PPP1R1C: variants seen among roughly 807,000 people sequenced by gnomAD.
PPP1R1C encodes protein phosphatase 1 regulatory inhibitor subunit 1C, also known as protein phosphatase 1 regulatory subunit 1C.
In PPP1R1C, 15 loss-of-function variants were observed where a neutral mutation model predicts 17.4. The ratio of observed to expected loss-of-function variants is 0.86; its 90% CI spans 0.58 to 1.33. PPP1R1C has a LOEUF of 1.33. PPP1R1C is among the 40% of genes most tolerant of loss of function. The pLI is 0.00. For synonymous variants in PPP1R1C, 35 were observed against 43.1 expected, an observed-to-expected ratio of 0.81 and a Z score of 0.73; for missense variants, 143 against 130.0, an observed-to-expected ratio of 1.10 and a Z score of -0.48.
At position 181,967,395 on chromosome 2, in the gene PPP1R1C, A is replaced by C. The variant is rs1684924276; in HGVS notation, n.112-7824A>C. ...TTTAACAGGCATTGTAAGGTTGGTC[A>C]TGTGAAGATTTTCCACTTTGTTGAT... On this transcript the variant is annotated intron_variant and non_coding_transcript_variant, in intron 1 of 5. Transcript: ENST00000464264. This position sits in a 1 kb window ranked among gnomAD's most constrained non-coding sequence, Gnocchi z 5.5. 6.6e-6 allele frequency among the ~76,000 whole-genome samples: 1 copy of C among 152,064 alleles called. No individual in the cohort carries two copies. The highest frequency in any genetic ancestry group is 1.5e-5 in the Non-Finnish European group (1 of 68,022).
chr2:182,018,377 G>C (rs1050681364), intron 2 of PPP1R1C, among the ~76,000 whole-genome samples: 6 of 152,190 alleles, frequency 3.9e-5, no homozygotes, highest in African/African-American at 1.4e-4. Context: ...TAATAATGAT[G>C]TCAACAGTAA....
chr2:181,977,858 T>A (rs916450972), intron 2 of PPP1R1C, among the ~76,000 whole-genome samples: 3 of 152,186 alleles, frequency 2.0e-5, no homozygotes, highest in Admixed American at 2.0e-4. Context: ...TTCACTCACA[T>A]GTCTCATGGG....
chr2:182,031,680 A>G (rs1686844643), intron 2 of PPP1R1C, among the ~76,000 whole-genome samples: 1 of 152,224 alleles, frequency 6.6e-6, no homozygotes, highest in Non-Finnish European at 1.5e-5. Flanking sequence ...TGCAATATGA[A>G]CACTGATACA....
At chr2:182,041,609 CAAAA>C (rs71405472) in intron 2 of PPP1R1C, among the ~76,000 whole-genome samples, 2 of 58,470 alleles carry the variant, frequency 3.4e-5, no homozygotes, top group Admixed American at 1.7e-4. Context: ...GACTCTGTCT[CAAAA>C]AAAAAAAAAA....
At chr2:182,062,130 C>T (rs964226567) in intron 3 of PPP1R1C, among the ~76,000 whole-genome samples, 1 of 152,118 alleles carries the variant, frequency 6.6e-6, no homozygotes, top group Admixed American at 6.6e-5. Context: ...GAATAGGATG[C>T]TGTGCAGGGT....
At chr2:182,127,204 A>ACATTACC (rs1346442477) in intron 5 of PPP1R1C, among the ~76,000 whole-genome samples, 1 of 152,090 alleles carries the variant, frequency 6.6e-6, no homozygotes, top group African/African-American at 2.4e-5. Flanking sequence ...TTTGTGGAGC[A>ACATTACC]CATTACCATG....
Position 181,967,768 on chromosome 2 carries a change from T to A in PPP1R1C, n.112-7451T>A, listed in dbSNP as rs977010429. On this transcript the variant is annotated intron_variant and non_coding_transcript_variant, in intron 1 of 5. Coordinates refer to the PPP1R1C transcript ENST00000464264. The surrounding 1 kb of genome is among the most constrained non-coding windows in gnomAD (Gnocchi z 5.5). The stretch of plus-strand genomic sequence containing the variant: ...TTCACTCTTGTTGCCCAGGCTGGAG[T>A]GCAATGGCACATTCTTGGCTCACTG... Among the ~76,000 whole-genome samples the A allele has an allele frequency of 6.6e-6, 1 of 152,034 alleles. No homozygotes were observed. The highest frequency in any genetic ancestry group is 1.5e-5 in the Non-Finnish European group (1 of 68,004).
intron 2 of PPP1R1C, among the ~76,000 whole-genome samples, chr2:182,003,460 A>AT (rs1553502246): frequency 6.6e-6 from 1 of 152,066 alleles, no homozygotes; most frequent in Non-Finnish European, 1.5e-5. Context: ...AAATACTTGC[A>AT]TTTTTTAAGA....
chr2:182,032,253 A>G (rs1380789461), intron 2 of PPP1R1C, among the ~76,000 whole-genome samples: 1 of 152,172 alleles, frequency 6.6e-6, no homozygotes, highest in Admixed American at 6.5e-5. Flanking sequence ...CTGAATATCA[A>G]CTATTGCATT....
At chr2:182,010,738 A>C (rs143558296) in intron 2 of PPP1R1C, among the ~76,000 whole-genome samples, 1 of 152,064 alleles carries the variant, frequency 6.6e-6, no homozygotes, top group East Asian at 1.9e-4. Flanking sequence ...TCCCCCATTC[A>C]GTATGATACT....
At chr2:182,108,170 T>C (rs1201270676) in intron 4 of PPP1R1C, among the ~76,000 whole-genome samples, 1 of 152,108 alleles carries the variant, frequency 6.6e-6, no homozygotes, top group Non-Finnish European at 1.5e-5. Context: ...ACTGATAAAA[T>C]TGTACACCTT....
At chr2:182,116,016 A>G (rs1303024223) in intron 4 of PPP1R1C, among the ~76,000 whole-genome samples, 2 of 152,198 alleles carry the variant, frequency 1.3e-5, no homozygotes, top group Admixed American at 1.3e-4. Flanking sequence ...AGCTACTCTG[A>G]TATCTTAACA....
chr2:182,105,080 G>GAA (rs1246859108), intron 4 of PPP1R1C, among the ~76,000 whole-genome samples: 1 of 151,758 alleles, frequency 6.6e-6, no homozygotes, highest in Non-Finnish European at 1.5e-5. Context: ...ATGAGGGGTG[G>GAA]AAAAAAAATG....
intron 2 of PPP1R1C, among the ~76,000 whole-genome samples, chr2:181,980,419 C>A (rs868495602): frequency 6.6e-6 from 1 of 152,166 alleles, no homozygotes; most frequent in African/African-American, 2.4e-5. Flanking sequence ...TGGACTTGAG[C>A]TAAAGCCTGT....
At chr2:182,089,940 A>G (rs865975773) in intron 4 of PPP1R1C, among the ~76,000 whole-genome samples, 2 of 152,224 alleles carry the variant, frequency 1.3e-5, no homozygotes, top group South Asian at 4.1e-4. Context: ...ATATATTTAA[A>G]TACAATTTTT....
chr2:182,102,304 G>A (rs1240030647), intron 4 of PPP1R1C, among the ~76,000 whole-genome samples: 1 of 152,030 alleles, frequency 6.6e-6, no homozygotes, highest in Non-Finnish European at 1.5e-5. Flanking sequence ...CTAGTCAAAG[G>A]GCCTTTCTAG....
chr2:182,075,070 A>T (rs1688253905), intron 4 of PPP1R1C, among the ~76,000 whole-genome samples: 1 of 152,244 alleles, frequency 6.6e-6, no homozygotes, highest in Non-Finnish European at 1.5e-5. Context: ...TATAAAAATT[A>T]TGTGATAAGC....
Position 182,033,698 on chromosome 2 carries a change from T to C in PPP1R1C, c.143-27744T>C, listed in dbSNP as rs540646276. 3.3e-5 allele frequency among the ~76,000 whole-genome samples: 5 copies of C among 152,338 alleles called. No homozygotes were observed. In the South Asian group the frequency reaches 1.0e-3, roughly 32 times the overall value. ...ACCCTTCTCTTTTCCAACAGTCATA[T>C]TCTTAAAATACACATCTGACCACAC... On this transcript the variant is annotated intron_variant, in intron 2 of 4. Coordinates refer to ENST00000682840, the MANE Select transcript of PPP1R1C (RefSeq NM_001080545.3).
intron 4 of PPP1R1C, among the ~76,000 whole-genome samples, chr2:182,100,968 G>A (rs972378654): frequency 1.3e-5 from 2 of 152,122 alleles, no homozygotes; most frequent in South Asian, 2.1e-4. Flanking sequence ...TGAGAAGAGC[G>A]GTTCCTGAAA....
Sources: gnomAD v4.1 joint callset for allele counts (sites outside exome capture counted in the v4.1 genomes callset) on GRCh38, gnomAD v4.1.1 for gene constraint, Gnocchi (gnomAD v3.1) non-coding constraint, MANE v1.5 for transcripts, NCBI Gene and HGNC (gene_info 2026-07-23, HGNC 2026-07-21) for gene names.